Variants in NRF1 observed in about 807,000 individuals in gnomAD.
The protein encoded by NRF1 is alpha palindromic-binding protein.
A neutral mutation model predicts 58.5 loss-of-function variants in NRF1; 5 were observed. The observed-to-expected ratio is 0.09, with a 90% CI of 0.04 to 0.18. The LOEUF is 0.18. NRF1 is among the 10% of genes least tolerant of loss of function. The pLI, the probability that NRF1 is intolerant of heterozygous loss-of-function variation, is 1.00. For missense variants in NRF1, 288 were observed against 657.7 expected, an observed-to-expected ratio of 0.44 and a Z score of 6.15; for synonymous variants, 224 against 246.7, an observed-to-expected ratio of 0.91 and a Z score of 0.86.
At chr7:129,644,240 G>A (rs543230632) in intron 1 of NRF1, among the ~76,000 whole-genome samples, 1 of 152,330 alleles carries the variant, frequency 6.6e-6, no homozygotes, top group Non-Finnish European at 1.5e-5. Context: ...GGGGCTTAGA[G>A]AGATGTTTCA....
chr7:129,657,660 G>A (rs918058096), intron 2 of NRF1, 86 bp downstream of exon 2: 2 of 832,770 alleles, frequency 2.4e-6, no homozygotes, highest in Non-Finnish European at 1.8e-6. Flanking sequence ...CTCAGGCTGG[G>A]GTGCAGCAGC....
intron 8 of NRF1, 39 bp from the exon 9 acceptor site, chr7:129,717,180 T>G (rs1324836229): frequency 6.5e-7 from 1 of 1,547,962 alleles, no homozygotes; most frequent in Non-Finnish European, 8.7e-7. Flanking sequence ...TGTACTTTTG[T>G]GGCTTTGTTT....
At chr7:129,651,868 GGGTAGCTTATCA>G (rs1376871320) in intron 1 of NRF1, among the ~76,000 whole-genome samples, 5 of 152,126 alleles carry the variant, frequency 3.3e-5, no homozygotes, top group Non-Finnish European at 7.4e-5. Context: ...GGATATGGAA[GGGTAGCTTATCA>G]GGTAGCTTAA....
chr7:129,754,014 A>G (rs887944227), intron 10 of NRF1, among the ~76,000 whole-genome samples: 7 of 152,066 alleles, frequency 4.6e-5, no homozygotes, highest in Non-Finnish European at 1.0e-4. Flanking sequence ...TCTGAGAGGG[A>G]GAAGACAGGC....
chr7:129,695,575 C>CAAA (rs11398545), intron 5 of NRF1, among the ~76,000 whole-genome samples: 2 of 123,948 alleles, frequency 1.6e-5, no homozygotes, highest in African/African-American at 3.1e-5. Context: ...GACTCGATCT[C>CAAA]AAAAAAAAAA....
At chr7:129,615,219 C>T (rs1202432637) in intron 1 of NRF1, among the ~76,000 whole-genome samples, 1 of 152,218 alleles carries the variant, frequency 6.6e-6, no homozygotes, top group Non-Finnish European at 1.5e-5. Context: ...TGTCAGATGT[C>T]TTTAGACAAG....
intron 1 of NRF1, among the ~76,000 whole-genome samples, chr7:129,650,725 A>G (rs1049826105): frequency 6.7e-6 from 1 of 148,392 alleles, no homozygotes; most frequent in Non-Finnish European, 1.5e-5. Context: ...ATAGGTAGTC[A>G]TTTTTTTTTT....
At chr7:129,671,270 TAAAC>T (rs1257050209) in intron 2 of NRF1, among the ~76,000 whole-genome samples, 155 bp from the exon 3 acceptor site, 1 of 152,238 alleles carries the variant, frequency 6.6e-6, no homozygotes, top group Non-Finnish European at 1.5e-5. Flanking sequence ...TGAATCATGT[TAAAC>T]AATAGTGAAG....
At chr7:129,615,430 A>T (rs1018350399) in intron 1 of NRF1, among the ~76,000 whole-genome samples, 1 of 150,990 alleles carries the variant, frequency 6.6e-6, no homozygotes, top group Non-Finnish European at 1.5e-5. Context: ...TGACTGTGTG[A>T]TGCTTATTAA....
intron 5 of NRF1, among the ~76,000 whole-genome samples, chr7:129,691,410 G>A (rs184179088): frequency 1.4e-4 from 19 of 138,624 alleles, no homozygotes; most frequent in African/African-American, 4.8e-4. Flanking sequence ...GGCCCAGGCT[G>A]GAGGGCAGTG....
intron 10 of NRF1, among the ~76,000 whole-genome samples, chr7:129,727,616 G>A (rs976436394): frequency 1.3e-4 from 20 of 152,126 alleles, no homozygotes; most frequent in Non-Finnish European, 1.3e-4. Context: ...AGTGATTATC[G>A]TCTTGTGACA....
chr7:129,650,199 G>A (rs144277860), intron 1 of NRF1, among the ~76,000 whole-genome samples: 5 of 145,848 alleles, frequency 3.4e-5, no homozygotes, highest in African/African-American at 5.1e-5. Context: ...ATGAAGTATT[G>A]ACTAATCTGC....
chr7:129,616,542 G>A (rs967132325), intron 1 of NRF1, among the ~76,000 whole-genome samples: 11 of 152,226 alleles, frequency 7.2e-5, no homozygotes, highest in Admixed American at 5.9e-4. Context: ...TGAGGTTGCA[G>A]TGAGCATAAT....
chr7:129,642,113 G>A (rs1488678741), intron 1 of NRF1, among the ~76,000 whole-genome samples: 2 of 151,930 alleles, frequency 1.3e-5, no homozygotes, highest in Non-Finnish European at 2.9e-5. Context: ...CTAGTAGCTG[G>A]GATTACAGGC....
intron 10 of NRF1, among the ~76,000 whole-genome samples, chr7:129,738,663 T>G (rs2116288172): frequency 6.6e-6 from 1 of 152,336 alleles, no homozygotes; most frequent in African/African-American, 2.4e-5. Context: ...TTACTACTGC[T>G]ACAACCACCA....
chr7:129,638,600 T>A (rs944589759), intron 1 of NRF1, among the ~76,000 whole-genome samples: 2 of 152,226 alleles, frequency 1.3e-5, no homozygotes, highest in African/African-American at 4.8e-5. Flanking sequence ...AGAAAAATAT[T>A]TTTTATTCTT....
chr7:129,752,295 C>G (rs150422669), intron 10 of NRF1, among the ~76,000 whole-genome samples: 1 of 149,926 alleles, frequency 6.7e-6, no homozygotes, highest in Non-Finnish European at 1.5e-5. Flanking sequence ...GGGGATAAGT[C>G]TATCTCATGA....
chr7:129,743,244 C>G (rs1357170967), intron 10 of NRF1, among the ~76,000 whole-genome samples: 1 of 151,912 alleles, frequency 6.6e-6, no homozygotes, highest in Non-Finnish European at 1.5e-5. Context: ...CCACTTTCAG[C>G]TGACCTTCTC....
chr7:129,666,309 A>C (rs1383772949), intron 2 of NRF1, among the ~76,000 whole-genome samples: 1 of 152,078 alleles, frequency 6.6e-6, no homozygotes, highest in Non-Finnish European at 1.5e-5. Flanking sequence ...GGTCTTTGTC[A>C]TTCTCTTGCA....
Sources: gnomAD v4.1 joint callset for allele counts (sites outside exome capture counted in the v4.1 genomes callset) on GRCh38, gnomAD v4.1.1 for gene constraint, MANE v1.5 for transcripts, NCBI Gene and HGNC (gene_info 2026-07-23, HGNC 2026-07-21) for gene names.